Variants in CLCN5 observed in about 807,000 individuals in gnomAD.
The protein encoded by CLCN5 is H(+)/Cl(-) exchange transporter 5.
In CLCN5, 17 loss-of-function variants were observed where a neutral mutation model predicts 54.0. That is an observed-to-expected ratio of 0.31 (90% CI 0.22 to 0.47). The LOEUF (loss-of-function observed/expected upper bound fraction) is 0.47, where lower values mean the gene tolerates loss of function less well. Ranked by LOEUF, CLCN5 falls within the 20% of genes least tolerant of loss-of-function variation. The pLI, the probability that CLCN5 is intolerant of heterozygous loss-of-function variation, is 1.00. For missense variants in CLCN5, 448 were observed against 646.7 expected, an observed-to-expected ratio of 0.69 and a Z score of 3.33; for synonymous variants, 222 against 233.0, an observed-to-expected ratio of 0.95 and a Z score of 0.43.
intron 4 of CLCN5, among the ~76,000 whole-genome samples, chrX:50,057,304 A>G (rs1347891432): frequency 6.6e-5 from 7 of 105,861 alleles, no homozygotes; most frequent in African/African-American, 2.4e-4. Context: ...ATACAGATGC[A>G]TATCAACAGA....
At chrX:50,057,447 A>G (rs1472945570) in intron 4 of CLCN5, among the ~76,000 whole-genome samples, 13 of 39,420 alleles carry the variant, frequency 3.3e-4, no homozygotes, top group Admixed American at 8.2e-4. Flanking sequence ...GATACTATCC[A>G]GGACTCTCCT....
chrX:50,042,300 T>G lies in CLCN5; in HGVS notation c.17-16T>G. 7 of 1,058,276 alleles carry G rather than the reference T, an allele frequency of 6.6e-6. No homozygotes were observed. Among genetic ancestry groups the G allele is most frequent in the Non-Finnish European group, 8.9e-6 (7 of 786,124 alleles). The allele number at this position is 1,058,276 out of a possible 1,213,427, so 87.2% of individuals were successfully genotyped here. On this transcript the variant is annotated splice_polypyrimidine_tract_variant and intron_variant, in intron 3 of 14. Transcript: ENST00000376091. Reference sequence around the variant, plus strand: ...AAGATCATTGTTATAAGCCTCCTATTTTTCTTTCTGCACAGGTGCCATGGA... The same window carrying G: ...AAGATCATTGTTATAAGCCTCCTATGTTTCTTTCTGCACAGGTGCCATGGA...
At chrX:50,072,158 G>A (rs1305715486) in intron 5 of CLCN5, among the ~76,000 whole-genome samples, 1 of 111,828 alleles carries the variant, frequency 8.9e-6, no homozygotes, top group Non-Finnish European at 1.9e-5. Flanking sequence ...TATTTGCTGT[G>A]AGTCAAGAGA....
intron 4 of CLCN5, among the ~76,000 whole-genome samples, chrX:50,043,141 C>T (rs59550494): frequency 0.058 from 6,458 of 111,718 alleles, 497 homozygotes; most frequent in African/African-American, 0.2. Flanking sequence ...ATGTTGAAAT[C>T]GTTTCCTCTT....
intron 14 of CLCN5, among the ~76,000 whole-genome samples, chrX:50,091,310 G>A (rs369480764): frequency 2.3e-4 from 26 of 111,942 alleles, no homozygotes; most frequent in African/African-American, 7.8e-4. Context: ...CTAATAAATA[G>A]TAGAGAAAGG....
At chrX:50,029,574 C>G (rs1055744021) in intron 3 of CLCN5, among the ~76,000 whole-genome samples, 1 of 110,945 alleles carries the variant, frequency 9.0e-6, no homozygotes, top group Non-Finnish European at 1.9e-5. Context: ...TGGGTTGGTT[C>G]CAATGAACAG....
intron 4 of CLCN5, among the ~76,000 whole-genome samples, chrX:50,045,194 G>A (rs1268884923): frequency 9.0e-6 from 1 of 111,440 alleles, no homozygotes; most frequent in Non-Finnish European, 1.9e-5. Context: ...CAAGGAATTT[G>A]CCTTGGGAAG....
chrX:50,085,935 G>A, intron 9 of CLCN5, 45 bp from the exon 10 acceptor site: 3 of 995,894 alleles, frequency 3.0e-6, no homozygotes, highest in South Asian at 1.9e-5. Context: ...AGTGATTGAG[G>A]AAAGCAGCAT....
chrX:50,077,617 AGAGAGT>A (rs782298823), intron 7 of CLCN5, among the ~76,000 whole-genome samples: 12 of 91,402 alleles, frequency 1.3e-4, no homozygotes, highest in South Asian at 4.9e-4. Flanking sequence ...AGAGAGAGAG[AGAGAGT>A]GTGTGTGTGT....
At chrX:50,037,598 G>A (rs1284654087) in intron 3 of CLCN5, among the ~76,000 whole-genome samples, 1 of 111,865 alleles carries the variant, frequency 8.9e-6, no homozygotes. Flanking sequence ...CAGGTATGAG[G>A]AGATCATCTG....
intron 3 of CLCN5, among the ~76,000 whole-genome samples, chrX:50,007,035 C>T (rs1219412919): frequency 9.0e-6 from 1 of 111,161 alleles, no homozygotes; most frequent in Non-Finnish European, 1.9e-5. Flanking sequence ...TACACGGAGT[C>T]CCACTGATCA....
intron 4 of CLCN5, among the ~76,000 whole-genome samples, chrX:50,042,771 T>A (rs1557187364): frequency 8.9e-6 from 1 of 111,867 alleles, no homozygotes; most frequent in African/African-American, 3.3e-5. Context: ...AGTATGTCAC[T>A]CCTTGAGACT....
chrX:50,064,039 C>A (rs1932917148), intron 4 of CLCN5, among the ~76,000 whole-genome samples: 1 of 104,519 alleles, frequency 9.6e-6, no homozygotes, highest in Non-Finnish European at 2.0e-5. Context: ...TATGACAAAC[C>A]CACAGCCAAT....
chrX:50,030,233 C>T (rs1931628548), intron 3 of CLCN5, among the ~76,000 whole-genome samples: 1 of 111,830 alleles, frequency 8.9e-6, no homozygotes. Flanking sequence ...CAATCAAGAG[C>T]ATAATACATC....
At chrX:49,954,049 T>C (rs888971673) in intron 3 of CLCN5, among the ~76,000 whole-genome samples, 2 of 112,430 alleles carry the variant, frequency 1.8e-5, no homozygotes, top group Non-Finnish European at 3.8e-5. Context: ...TCTCATAATG[T>C]TGCACAGGTT....
intron 3 of CLCN5, among the ~76,000 whole-genome samples, chrX:50,007,397 T>TCTC (rs1930216491): frequency 3.6e-4 from 23 of 64,405 alleles, no homozygotes; most frequent in Middle Eastern, 8.6e-3. Context: ...CTCTCTCTCT[T>TCTC]TCTCTCTCTC....
At chrX:50,075,225 C>T (rs1424330968) in intron 6 of CLCN5, among the ~76,000 whole-genome samples, 5 of 110,968 alleles carry the variant, frequency 4.5e-5, no homozygotes, top group African/African-American at 1.6e-4. Flanking sequence ...CCTGCCATTG[C>T]TCAAATTCCC....
At chrX:50,077,621 A>AGTGTGT (rs34262397) in intron 7 of CLCN5, among the ~76,000 whole-genome samples, 47 of 78,688 alleles carry the variant, frequency 6.0e-4, no homozygotes, top group African/African-American at 9.2e-4. Context: ...AGAGAGAGAG[A>AGTGTGT]GTGTGTGTGT....
intron 11 of CLCN5, among the ~76,000 whole-genome samples, chrX:50,087,167 A>G (rs1173533916): frequency 2.7e-5 from 3 of 111,775 alleles, no homozygotes; most frequent in African/African-American, 9.8e-5. Flanking sequence ...CTCAAAAATG[A>G]TGGTGAAGTA....
Sources: allele counts gnomAD v4.1 joint callset (sites outside exome capture counted in the v4.1 genomes callset), GRCh38; gene constraint gnomAD v4.1.1; transcripts MANE v1.5; gene names NCBI Gene and HGNC (gene_info 2026-07-23, HGNC 2026-07-21).